Variants in GOLGB1 observed in about 807,000 individuals in gnomAD.
The protein encoded by GOLGB1 is golgin B1.
Under a neutral mutation model 336.9 loss-of-function variants are expected in GOLGB1, and 174 were observed. The observed-to-expected ratio is 0.52, with a 90% CI of 0.46 to 0.59. The LOEUF is 0.59. Among genes scored for constraint, GOLGB1 ranks in the 20% least tolerant of loss-of-function variants. The pLI, the probability that GOLGB1 is intolerant of heterozygous loss-of-function variation, is 0.00. For synonymous variants in GOLGB1, 1,208 were observed against 1,289.2 expected (o/e 0.94, Z 1.35); for missense variants, 3,331 against 3,645.3 (o/e 0.91, Z 2.22).
chr3:121,727,250 CTCACA>C (rs1452765221), intron 4 of GOLGB1, among the ~76,000 whole-genome samples: 2 of 139,108 alleles, frequency 1.4e-5, no homozygotes, highest in African/African-American at 5.2e-5. Flanking sequence ...CCTACCCTCC[CTCACA>C]TAATAGCTAT....
chr3:121,710,220 A>G (rs1370490905), intron 10 of GOLGB1, among the ~76,000 whole-genome samples: 2 of 152,102 alleles, frequency 1.3e-5, no homozygotes, highest in African/African-American at 4.8e-5. Context: ...TCTTTTAAAA[A>G]AAAGTATTTA....
chr3:121,730,931 T>A lies in GOLGB1; in HGVS notation c.41A>T (p.His14Leu). The change falls in exon 2 of 22, where the codon CAT becomes CTT. Residue 14 changes from histidine (H) to leucine (L), a missense_variant. His to Leu is a moderately conservative substitution (Grantham distance 99, BLOSUM62 -3). Transcript: ENST00000614479. Reference sequence around the variant, plus strand: ...AGTGTCATCATCTCCTGATAATTCATGCAAAACAACATTTGCTAATCCTGA... The same window carrying A: ...AGTGTCATCATCTCCTGATAATTCAAGCAAAACAACATTTGCTAATCCTGA... ...RLSGLANVVL[H>L]ELSGDDDTDQ... is the part of the protein sequence containing the mutation. 1 of 1,613,518 alleles carries A rather than the reference T, an allele frequency of 6.2e-7. No individual in the cohort carries two copies. Among genetic ancestry groups the A allele is most frequent in the Non-Finnish European group, 8.5e-7 (1 of 1,179,662 alleles).
chr3:121,666,948 T>C (rs1426709496), intron 20 of GOLGB1, among the ~76,000 whole-genome samples: 4 of 152,220 alleles, frequency 2.6e-5, no homozygotes, highest in African/African-American at 9.6e-5. Flanking sequence ...ATACTCTTGT[T>C]TGGCAAGAGC....
chr3:121,746,773 C>T (rs1205268416), intron 1 of GOLGB1, among the ~76,000 whole-genome samples: 1 of 152,106 alleles, frequency 6.6e-6, no homozygotes, highest in African/African-American at 2.4e-5. Flanking sequence ...AGCCACTGCG[C>T]CCGGCCTAAC....
In GOLGB1 at chr3:121,691,694, T is replaced by C. The variant is rs779032592; in HGVS notation, c.7670A>G (p.Lys2557Arg). Residue 2557 changes from lysine (K) to arginine (R), a missense_variant, in exon 14 of 22, where the codon AAG (lysine) becomes AGG (arginine). Coordinates refer to ENST00000614479, the MANE Select transcript of GOLGB1 (RefSeq NM_001366282.2). The stretch of plus-strand genomic sequence containing the variant: ...CTGAAGTTGAACTTCAAGAAGCTGC[T>C]TTTGTTGGCTGTCCTTTATTGTTAT... ...QVITIKDSQQ[K>R]QLLEVQLQQN... 4 of 1,611,876 alleles carry C rather than the reference T, an allele frequency of 2.5e-6. No individual in the cohort carries two copies. Among genetic ancestry groups the C allele is most frequent in the African/African-American group, 1.3e-5 (1 of 74,716 alleles).
chr3:121,704,283 G>A (rs907239645), intron 10 of GOLGB1, among the ~76,000 whole-genome samples: 4 of 152,028 alleles, frequency 2.6e-5, no homozygotes, highest in African/African-American at 9.7e-5. Context: ...CGTTATATAC[G>A]TAAGAAACTC....
chr3:121,741,288 G>A (rs748856449), intron 1 of GOLGB1, among the ~76,000 whole-genome samples: 7 of 152,074 alleles, frequency 4.6e-5, no homozygotes, highest in Non-Finnish European at 7.4e-5. Flanking sequence ...TTAAATATAC[G>A]GTTACTAACA....
In GOLGB1 at chr3:121,747,277, GTATATATGTA is replaced by G. The variant is rs1347947300; in HGVS notation, c.-3+2345_-3+2354del. Among the ~76,000 whole-genome samples the G allele has an allele frequency of 2.3e-3, 297 of 128,064 alleles. 3 individuals are homozygous for G. The highest frequency in any genetic ancestry group is 6.9e-3 in the African/African-American group (227 of 32,790). 84.0% of individuals were successfully genotyped at this position (128,064 alleles called of 152,430 possible). On this transcript the variant is annotated intron_variant, in intron 1 of 21. Coordinates refer to ENST00000614479, the MANE Select transcript of GOLGB1 (RefSeq NM_001366282.2). ...TGTGTGTATATATATATGTATATAT[GTATATATGTA>G]TATATATGTGTATATATGTATATAT...
At chr3:121,701,405 T>C (rs1943392872) in intron 11 of GOLGB1, among the ~76,000 whole-genome samples, 1 of 152,166 alleles carries the variant, frequency 6.6e-6, no homozygotes, top group Admixed American at 6.5e-5. Flanking sequence ...AATCGTCTAA[T>C]ACAAGTGCAT....
At chr3:121,738,000 T>G (rs1463445209) in intron 1 of GOLGB1, among the ~76,000 whole-genome samples, 1 of 152,194 alleles carries the variant, frequency 6.6e-6, no homozygotes, top group African/African-American at 2.4e-5. Flanking sequence ...TAACTATTTA[T>G]TCAAGATATG....
chr3:121,746,821 G>A (rs16832541), intron 1 of GOLGB1, among the ~76,000 whole-genome samples: 2,394 of 151,970 alleles, frequency 0.016, 78 homozygotes, highest in African/African-American at 0.056. Flanking sequence ...AGGGAGTACC[G>A]TCAATATTCC....
intron 4 of GOLGB1, among the ~76,000 whole-genome samples, chr3:121,727,348 T>TTTTTC (rs1486301711): frequency 8.2e-5 from 9 of 110,210 alleles, no homozygotes; most frequent in Non-Finnish European, 1.5e-4. Flanking sequence ...TTTTTTTTTT[T>TTTTTC]CCCTCACACC....
intron 1 of GOLGB1, among the ~76,000 whole-genome samples, chr3:121,743,434 G>T (rs1479027764): frequency 6.6e-6 from 1 of 152,128 alleles, no homozygotes; most frequent in Non-Finnish European, 1.5e-5. Flanking sequence ...TGGACACAGG[G>T]CAGGGAACAT....
At chr3:121,667,758 G>A (rs1938843321) in intron 19 of GOLGB1, 148 bp from the exon 20 acceptor site, 1 of 667,408 alleles carries the variant, frequency 1.5e-6, no homozygotes, top group Non-Finnish European at 2.5e-6. Context: ...AGCTGTAGAG[G>A]GATTAAATGA....
At chr3:121,732,847 A>C (rs1320105263) in intron 1 of GOLGB1, among the ~76,000 whole-genome samples, 4 of 152,228 alleles carry the variant, frequency 2.6e-5, no homozygotes, top group African/African-American at 9.6e-5. Context: ...ACTTCTATCT[A>C]ACACTATACT....
intron 1 of GOLGB1, among the ~76,000 whole-genome samples, chr3:121,745,558 G>A (rs1031985624): frequency 9.9e-5 from 15 of 151,150 alleles, no homozygotes; most frequent in South Asian, 6.2e-4. Context: ...ATATGTATAC[G>A]TGTATGTATA....
chr3:121,730,024 T>A lies in GOLGB1; in HGVS notation c.97-7A>T. 2 of 1,599,240 alleles carry A rather than the reference T, an allele frequency of 1.3e-6. No individual in the cohort carries two copies. The highest frequency in any genetic ancestry group is 1.7e-5 in the Admixed American group (1 of 57,166). ...CAGATTCTTGGTGTAATTCCTAATA[T>A]TTAGGAAAAAAGTTGCCAGTGCACC... On this transcript the variant is annotated splice_region_variant and splice_polypyrimidine_tract_variant and intron_variant, in intron 2 of 21. Coordinates refer to ENST00000614479, the MANE Select transcript of GOLGB1 (RefSeq NM_001366282.2).
At chr3:121,664,736 G>A (rs2107507365) in intron 21 of GOLGB1, 122 bp from the exon 22 acceptor site, 1 of 991,720 alleles carries the variant, frequency 1.0e-6, no homozygotes, top group Non-Finnish European at 1.6e-6. Context: ...TATTCTGAGA[G>A]GAAAGTTGCC....
intron 17 of GOLGB1, among the ~76,000 whole-genome samples, chr3:121,675,274 C>T (rs1213864300): frequency 2.6e-5 from 4 of 152,182 alleles, no homozygotes. Context: ...AACTTTATGA[C>T]TTAGAACCCA....
Sources: allele counts gnomAD v4.1 joint callset (sites outside exome capture counted in the v4.1 genomes callset), GRCh38; gene constraint gnomAD v4.1.1; transcripts MANE v1.5; gene names NCBI Gene and HGNC (gene_info 2026-07-23, HGNC 2026-07-21).